Variants in SIPA1L1 observed in about 807,000 individuals in gnomAD.
The protein encoded by SIPA1L1 is signal induced proliferation associated 1 like 1.
SIPA1L1 carries 26 observed loss-of-function variants against 162.7 expected under a neutral mutation model. The ratio of observed to expected loss-of-function variants is 0.16; its 90% CI spans 0.12 to 0.22. The LOEUF (loss-of-function observed/expected upper bound fraction) is 0.22, where lower values mean the gene tolerates loss of function less well. Ranked by LOEUF, SIPA1L1 falls within the 10% of genes least tolerant of loss-of-function variation. The pLI is 1.00. For synonymous variants in SIPA1L1, 829 were observed against 837.4 expected, an observed-to-expected ratio of 0.99 and a Z score of 0.17; for missense variants, 1,874 against 2,241.0, an observed-to-expected ratio of 0.84 and a Z score of 3.31.
intron 4 of SIPA1L1, among the ~76,000 whole-genome samples, chr14:71,555,038 G>A (rs2056229566): frequency 6.6e-6 from 1 of 151,830 alleles, no homozygotes; most frequent in Non-Finnish European, 1.5e-5. Flanking sequence ...CATACTTAAG[G>A]GCCCTACGAT....
chr14:71,731,697 C>T (rs1340689292), intron 20 of SIPA1L1, among the ~76,000 whole-genome samples: 1 of 152,324 alleles, frequency 6.6e-6, no homozygotes, highest in East Asian at 1.9e-4. Flanking sequence ...GAAAGAACAG[C>T]CCAGAAATCT....
Position 71,536,620 on chromosome 14 carries a change from T to C in SIPA1L1, c.-303+7250T>C, listed in dbSNP as rs117572511. Among the ~76,000 whole-genome samples, 130 of 152,356 alleles carry C rather than the reference T, an allele frequency of 8.5e-4. 3 individuals carry two copies. The East Asian group carries it at 0.024, about 28-fold the overall frequency. On this transcript the variant is annotated intron_variant, in intron 4 of 23. Transcript: ENST00000381232. ...AAAATGATTTTAAAAAGAATGTGTT[T>C]CAGCAGCTGTTAATGTCAGCAGCAA...
At position 71,727,436 on chromosome 14, in the gene SIPA1L1, C is replaced by CT. The variant is rs75777361; in HGVS notation, c.4615-2603dup. ...CAACCAGTCTTAAAGCTCAGGAAGC[C>CT]TTTTTTTTTTTTTTTTAAATCACAC... On this transcript the variant is annotated intron_variant, in intron 19 of 23. Coordinates refer to ENST00000381232, the MANE Select transcript of SIPA1L1 (RefSeq NM_001386936.1). 4.6e-3 allele frequency among the ~76,000 whole-genome samples: 661 copies of CT among 142,808 alleles called. 3 individuals are homozygous for CT. Among genetic ancestry groups the CT allele is most frequent in the East Asian group, 0.033 (161 of 4,948 alleles). 93.7% of individuals were successfully genotyped at this position (142,808 alleles called of 152,430 possible).
At chr14:71,515,853 G>A (rs2051673252) in intron 3 of SIPA1L1, among the ~76,000 whole-genome samples, 2 of 152,110 alleles carry the variant, frequency 1.3e-5, no homozygotes, top group South Asian at 2.1e-4. Flanking sequence ...TGTTGGCCAG[G>A]CTGGTCTTGA....
intron 2 of SIPA1L1, among the ~76,000 whole-genome samples, chr14:71,465,344 C>A (rs2046914756): frequency 6.6e-6 from 1 of 152,224 alleles, no homozygotes; most frequent in African/African-American, 2.4e-5. Flanking sequence ...AGATTTGAGG[C>A]TCAGTATGTG....
chr14:71,590,075 A>G (rs1207970314), intron 5 of SIPA1L1, among the ~76,000 whole-genome samples: 1 of 138,296 alleles, frequency 7.2e-6, no homozygotes, highest in Non-Finnish European at 1.6e-5. Flanking sequence ...ATATATATAT[A>G]TGTACACACA....
At chr14:71,477,689 T>G (rs1018984910) in intron 2 of SIPA1L1, among the ~76,000 whole-genome samples, 1 of 152,314 alleles carries the variant, frequency 6.6e-6, no homozygotes, top group Admixed American at 6.5e-5. Context: ...AGATACTTGG[T>G]TCCTTTTAAT....
rs1397987028 is a variant in SIPA1L1 at position 71,739,923 on chromosome 14, C to T, written c.*762C>T. On this transcript the variant is annotated 3_prime_UTR_variant, in exon 24 of 24. Transcript: ENST00000381232. ...TTTTTTGTTTGGCTTAATTGAGCCC[C>T]ACTAAATTGGAATCAATCTCTCTTA... is the stretch of plus-strand genomic sequence containing the variant. 6.6e-6 allele frequency: 1 copy of T among 152,174 alleles called. No individual in the cohort carries two copies. Among genetic ancestry groups the T allele is most frequent in the Non-Finnish European group, 1.5e-5 (1 of 68,038 alleles). 9.4% of individuals were successfully genotyped at this position (152,174 alleles called of 1,614,324 possible).
chr14:71,363,775 G>A (rs1216343517), intron 2 of SIPA1L1, among the ~76,000 whole-genome samples: 1 of 152,154 alleles, frequency 6.6e-6, no homozygotes, highest in East Asian at 1.9e-4. Flanking sequence ...TGCAAAACTT[G>A]AATGCACCAG....
In SIPA1L1 at chr14:71,483,783, T is replaced by C. The variant is rs115753670; in HGVS notation, c.-464-28960T>C. Reference sequence around the variant, plus strand: ...TGGAGAAAGTTCAGGAGTCTTCATGTGGCCTTCAAGCCTTGTGATGGGAAC... The same window carrying C: ...TGGAGAAAGTTCAGGAGTCTTCATGCGGCCTTCAAGCCTTGTGATGGGAAC... On this transcript the variant is annotated intron_variant, in intron 2 of 23. Coordinates refer to ENST00000381232, the MANE Select transcript of SIPA1L1 (RefSeq NM_001386936.1). Among the ~76,000 whole-genome samples, 779 of 152,308 alleles carry C rather than the reference T, an allele frequency of 5.1e-3. 5 individuals carry two copies. The highest frequency in any genetic ancestry group is 0.018 in the African/African-American group (731 of 41,566).
intron 2 of SIPA1L1, among the ~76,000 whole-genome samples, chr14:71,466,278 T>A (rs2046987767): frequency 6.6e-6 from 1 of 152,204 alleles, no homozygotes; most frequent in South Asian, 2.1e-4. Context: ...TCCTACCTGC[T>A]GTTTACTAGG....
rs1437875501 is a variant in SIPA1L1, at chr14:71,673,953, G to A, written c.3104+1331G>A. Among the ~76,000 whole-genome samples, 3 of 152,180 alleles carry A rather than the reference G, an allele frequency of 2.0e-5. No homozygotes were observed. In the East Asian group the frequency reaches 5.8e-4, roughly 29 times the overall value. ...GTGATTTAAAAAATAATGTGAGGTGGCTCAGAAAGGCAGTGGGGTTCTTGC... is the reference window on the plus strand; with the variant it reads ...GTGATTTAAAAAATAATGTGAGGTGACTCAGAAAGGCAGTGGGGTTCTTGC... On this transcript the variant is annotated intron_variant, in intron 12 of 23. Coordinates refer to ENST00000381232, the MANE Select transcript of SIPA1L1 (RefSeq NM_001386936.1).
chr14:71,624,216 A>G lies in SIPA1L1; in HGVS notation c.1798A>G (p.Met600Val), dbSNP rs879408383. 6.2e-7 allele frequency: 1 copy of G among 1,608,254 alleles called. No individual in the cohort carries two copies. The highest frequency in any genetic ancestry group is 8.5e-7 in the Non-Finnish European group (1 of 1,175,464). The change falls in exon 7 of 24, where the codon ATG becomes GTG. Residue 600 changes from methionine to valine, a missense_variant. Met to Val is a conservative substitution (Grantham distance 21). Around this residue, in one of 5 missense-constraint regions of SIPA1L1, gnomAD observed 685 missense variants for 828.0 expected, o/e 0.83. Coordinates refer to ENST00000381232, the MANE Select transcript of SIPA1L1 (RefSeq NM_001386936.1). Reference sequence around the variant, plus strand: ...CACACCCAAGGTCACAGAGCAGCTCATGAAACTGGATGAACAAGGGGTGAG... The same window carrying G: ...CACACCCAAGGTCACAGAGCAGCTCGTGAAACTGGATGAACAAGGGGTGAG... The part of the protein sequence containing the change: ...FNTPKVTEQL[M>V]KLDEQGLNYQ...
intron 3 of SIPA1L1, among the ~76,000 whole-genome samples, chr14:71,516,659 C>A (rs1318465998): frequency 6.6e-6 from 1 of 151,692 alleles, no homozygotes; most frequent in African/African-American, 2.4e-5. Context: ...AAGTGTGAGA[C>A]TTACTTTTTT....
intron 20 of SIPA1L1, among the ~76,000 whole-genome samples, chr14:71,733,238 C>T (rs527390255): frequency 6.7e-4 from 102 of 152,230 alleles, no homozygotes; most frequent in African/African-American, 2.3e-3. Context: ...GCCCTATTGT[C>T]CCCTCTAGTA....
chr14:71,546,599 C>G (rs2055229583), intron 4 of SIPA1L1, among the ~76,000 whole-genome samples: 1 of 152,120 alleles, frequency 6.6e-6, no homozygotes, highest in Admixed American at 6.6e-5. Context: ...CCAGGCTTGT[C>G]TCGAACTCCT....
rs1479785824 is a variant in SIPA1L1 at position 71,588,279 on chromosome 14, A to G, written c.407A>G (p.Gln136Arg). Residue 136 changes from glutamine (Q) to arginine (R), a missense_variant, in exon 5 of 24, where the codon CAG (glutamine) becomes CGG (arginine). Transcript: ENST00000381232. This position sits in a 1 kb window ranked among gnomAD's most constrained non-coding sequence, Gnocchi z 4.3. The stretch of plus-strand genomic sequence containing the variant: ...GACTCAGCCATGCTGAAAAGCATAC[A>G]GAACACGCTGAAAAACAAGACAAGA... ...SNDSAMLKSI[Q>R]NTLKNKTRPS... 2 of 1,614,092 alleles carry G rather than the reference A, an allele frequency of 1.2e-6. No individual in the cohort carries two copies. Among genetic ancestry groups the G allele is most frequent in the Non-Finnish European group, 1.7e-6 (2 of 1,180,004 alleles).
At chr14:71,594,883 C>T (rs1251158385) in intron 5 of SIPA1L1, among the ~76,000 whole-genome samples, 1 of 152,186 alleles carries the variant, frequency 6.6e-6, no homozygotes, top group Non-Finnish European at 1.5e-5. Flanking sequence ...GTGTGTTTTG[C>T]TGCTGTCCTT....
chr14:71,567,024 TCAGTAAACA>T (rs2030771568), intron 4 of SIPA1L1, among the ~76,000 whole-genome samples: 1 of 152,114 alleles, frequency 6.6e-6, no homozygotes, highest in Non-Finnish European at 1.5e-5. Context: ...GTGGGTAAGA[TCAGTAAACA>T]AATTAAAATT....
Sources: allele counts gnomAD v4.1 joint callset (sites outside exome capture counted in the v4.1 genomes callset), GRCh38; gene constraint gnomAD v4.1.1; regional missense constraint gnomAD v4.1.1; non-coding constraint Gnocchi (gnomAD v3.1); transcripts MANE v1.5; gene names NCBI Gene and HGNC (gene_info 2026-07-23, HGNC 2026-07-21).